EFNA5: variants seen among roughly 807,000 people sequenced by gnomAD.
EFNA5 encodes the protein ephrin A5, also known as ephrin-A5.
Under a neutral mutation model 22.9 loss-of-function variants are expected in EFNA5, and 5 were observed. The ratio of observed to expected loss-of-function variants is 0.22; its 90% confidence interval spans 0.11 to 0.46. The LOEUF (loss-of-function observed/expected upper bound fraction) is 0.46, where lower values mean the gene tolerates loss of function less well. Among genes scored for constraint, EFNA5 ranks in the 20% least tolerant of loss-of-function variants. The pLI is 0.99. For synonymous variants in EFNA5, 113 were observed against 112.2 expected, an observed-to-expected ratio of 1.01 and a Z score of -0.04; for missense variants, 237 against 293.3, an observed-to-expected ratio of 0.81 and a Z score of 1.40.
chr5:107,428,310 T>A (rs915577045), intron 1 of EFNA5, among the ~76,000 whole-genome samples: 2 of 152,184 alleles, frequency 1.3e-5, no homozygotes, highest in Non-Finnish European at 2.9e-5. Context: ...CAACAGGTCA[T>A]GTTCTAGAGC....
chr5:107,547,525 TC>T (rs200953777), intron 1 of EFNA5, among the ~76,000 whole-genome samples: 1 of 145,602 alleles, frequency 6.9e-6, no homozygotes, highest in African/African-American at 2.7e-5. Context: ...ACACTGATGT[TC>T]CAAAAAAAAA....
At chr5:107,626,025 CT>C in intron 1 of EFNA5, among the ~76,000 whole-genome samples, 1 of 152,260 alleles carries the variant, frequency 6.6e-6, no homozygotes, top group Non-Finnish European at 1.5e-5. Context: ...CATTACAAAC[CT>C]GTTTTCAAGT....
Position 107,387,230 on chromosome 5 carries a change from C to A in EFNA5, c.565+5G>T. The A allele has an allele frequency of 6.3e-7, 1 of 1,596,844 alleles. No individual in the cohort carries two copies. The highest frequency in any genetic ancestry group is 8.6e-7 in the Non-Finnish European group (1 of 1,168,324). ...TGTTAAAAGAGATTCTCTAAGCATA[C>A]TAACCTGCTGGTTCTAATGAATTTT... On this transcript the variant is annotated splice_donor_5th_base_variant and intron_variant, in intron 4 of 4. Transcript: ENST00000333274.
At chr5:107,539,885 G>A (rs893267658) in intron 1 of EFNA5, among the ~76,000 whole-genome samples, 1 of 152,152 alleles carries the variant, frequency 6.6e-6, no homozygotes, top group Non-Finnish European at 1.5e-5. Context: ...AATCATTCAC[G>A]CCACAGCTAG....
chr5:107,469,613 A>G (rs1396218504), intron 1 of EFNA5, among the ~76,000 whole-genome samples: 3 of 151,594 alleles, frequency 2.0e-5, no homozygotes, highest in Admixed American at 2.0e-4. Context: ...GTCTTTCAAC[A>G]CTCAAACAGG....
Position 107,381,067 on chromosome 5 carries a change from A to T in EFNA5, c.*188T>A. 1 of 755,666 alleles carries T rather than the reference A, an allele frequency of 1.3e-6. No homozygotes were observed. The allele number at this position is 755,666 out of a possible 1,614,324, so 46.8% of individuals were successfully genotyped here. ...GGGGTGGGGCGGGGTGGGGTGAGGGAGGCAGGAACAAGTTTAGGCCCCCAA... is the reference window on the plus strand; with the variant it reads ...GGGGTGGGGCGGGGTGGGGTGAGGGTGGCAGGAACAAGTTTAGGCCCCCAA... On this transcript the variant is annotated 3_prime_UTR_variant, in exon 5 of 5. Coordinates refer to ENST00000333274, the MANE Select transcript of EFNA5 (RefSeq NM_001962.3).
intron 1 of EFNA5, among the ~76,000 whole-genome samples, chr5:107,635,331 C>G (rs1236856717): frequency 6.6e-6 from 1 of 152,162 alleles, no homozygotes; most frequent in East Asian, 1.9e-4. Context: ...AATGTATATT[C>G]TTGTCTAGGC....
At chr5:107,576,655 G>A (rs1748934587) in intron 1 of EFNA5, among the ~76,000 whole-genome samples, 1 of 152,200 alleles carries the variant, frequency 6.6e-6, no homozygotes, top group African/African-American at 2.4e-5. Context: ...GCATGTTGGA[G>A]CAGACTCATG....
chr5:107,513,182 GT>G (rs1173826448), intron 1 of EFNA5, among the ~76,000 whole-genome samples: 10 of 152,148 alleles, frequency 6.6e-5, no homozygotes, highest in African/African-American at 2.4e-4. Context: ...CTGTGCTTAA[GT>G]CCTACTGTAG....
chr5:107,603,724 C>T (rs1430486748), intron 1 of EFNA5, among the ~76,000 whole-genome samples: 4 of 152,212 alleles, frequency 2.6e-5, no homozygotes, highest in African/African-American at 7.2e-5. Flanking sequence ...ACACCACTCT[C>T]GTCTGTCCTG....
At chr5:107,530,947 C>T (rs981528537) in intron 1 of EFNA5, among the ~76,000 whole-genome samples, 8 of 152,108 alleles carry the variant, frequency 5.3e-5, no homozygotes, top group African/African-American at 1.9e-4. Context: ...TTCTTTTTGC[C>T]ATATTTGTAT....
intron 1 of EFNA5, among the ~76,000 whole-genome samples, chr5:107,588,764 G>A (rs1315771247): frequency 6.6e-6 from 1 of 152,198 alleles, no homozygotes; most frequent in Non-Finnish European, 1.5e-5. Flanking sequence ...AATGTAGAGA[G>A]GGATAGGAAG....
At chr5:107,569,559 T>TATA (rs1748742560) in intron 1 of EFNA5, among the ~76,000 whole-genome samples, 3 of 42,526 alleles carry the variant, frequency 7.1e-5, no homozygotes, top group African/African-American at 1.0e-4. Context: ...ATATATATAT[T>TATA]TATATATATA....
intron 1 of EFNA5, among the ~76,000 whole-genome samples, chr5:107,465,674 A>G (rs1749958624): frequency 6.6e-6 from 1 of 152,140 alleles, no homozygotes; most frequent in Non-Finnish European, 1.5e-5. Context: ...TAAGAAATGT[A>G]GGGATACAAT....
intron 1 of EFNA5, among the ~76,000 whole-genome samples, chr5:107,437,963 T>C (rs955031988): frequency 6.6e-6 from 1 of 152,204 alleles, no homozygotes; most frequent in African/African-American, 2.4e-5. Flanking sequence ...AATGAAAGTT[T>C]CTCTCTTGTC....
At chr5:107,616,636 G>A (rs549167289) in intron 1 of EFNA5, among the ~76,000 whole-genome samples, 34 of 152,204 alleles carry the variant, frequency 2.2e-4, no homozygotes, top group Admixed American at 7.9e-4. Flanking sequence ...GTGTATTCTG[G>A]ACAAAGGAAG....
At chr5:107,585,009 C>G (rs1391067774) in intron 1 of EFNA5, among the ~76,000 whole-genome samples, 1 of 152,056 alleles carries the variant, frequency 6.6e-6, no homozygotes, top group African/African-American at 2.4e-5. Context: ...ATTCCCTGGT[C>G]AGTAGGGAAA....
chr5:107,450,702 A>C (rs1028265602), intron 1 of EFNA5, among the ~76,000 whole-genome samples: 7 of 152,178 alleles, frequency 4.6e-5, no homozygotes, highest in African/African-American at 1.7e-4. Flanking sequence ...TTTCACATGA[A>C]CCAGACTCTG....
At chr5:107,644,204 C>G (rs1274897859) in intron 1 of EFNA5, among the ~76,000 whole-genome samples, 1 of 152,044 alleles carries the variant, frequency 6.6e-6, no homozygotes, top group African/African-American at 2.4e-5. Flanking sequence ...GGAGACAATA[C>G]AGGGGATGAC....
Sources: allele counts gnomAD v4.1 joint callset (sites outside exome capture counted in the v4.1 genomes callset), GRCh38; gene constraint gnomAD v4.1.1; transcripts MANE v1.5; gene names NCBI Gene and HGNC (gene_info 2026-07-23, HGNC 2026-07-21).